The following PLEKHM3 variants were observed in gnomAD, a reference collection of about 807,000 sequenced individuals.
The protein encoded by PLEKHM3 is pleckstrin homology domain containing M3, also known as pleckstrin homology domain-containing family M member 3.
PLEKHM3 carries 45 observed loss-of-function variants against 81.8 expected under a neutral mutation model. That is an observed-to-expected ratio of 0.55 (90% confidence interval 0.43 to 0.71). The LOEUF is 0.71. Among genes scored for constraint, PLEKHM3 ranks in the 30% least tolerant of loss-of-function variants. The probability of loss-of-function intolerance (pLI) is 0.00; values close to 1 mark genes in which losing one functional copy is unlikely to be tolerated. For missense variants in PLEKHM3, 788 were observed against 924.3 expected (o/e 0.85, Z 1.91); for synonymous variants, 352 against 356.4 (o/e 0.99, Z 0.14).
chr2:208,003,768 T>C (rs2106097247), intron 1 of PLEKHM3, among the ~76,000 whole-genome samples: 1 of 152,336 alleles, frequency 6.6e-6, no homozygotes, highest in East Asian at 1.9e-4. Flanking sequence ...TTCTGTAATT[T>C]TGAAACTTGG....
intron 5 of PLEKHM3, among the ~76,000 whole-genome samples, chr2:207,929,229 C>T (rs13428941): frequency 0.016 from 2,449 of 152,280 alleles, 70 homozygotes; most frequent in African/African-American, 0.056. Flanking sequence ...CTAGAACTCC[C>T]ATTTCTTTCC....
chr2:207,899,991 A>C (rs183462591), intron 6 of PLEKHM3: 2 of 152,312 alleles, frequency 1.3e-5, no homozygotes, highest in African/African-American at 4.8e-5. Context: ...ACTGCAAAAC[A>C]AATTACCCCA....
chr2:207,825,876 ACAGGGACTGCTCGTATTTAG>A lies in PLEKHM3; in HGVS notation c.*2423_*2442del, dbSNP rs1335514053. 23 of 152,334 alleles carry A rather than the reference ACAGGGACTGCTCGTATTTAG, an allele frequency of 1.5e-4. No homozygotes were observed. Among genetic ancestry groups the A allele is most frequent in the African/African-American group, 5.3e-4 (22 of 41,586 alleles). The allele number at this position is 152,334 out of a possible 1,614,324, so 9.4% of individuals were successfully genotyped here. On this transcript the variant is annotated 3_prime_UTR_variant, in exon 8 of 8. Coordinates refer to ENST00000427836, the MANE Select transcript of PLEKHM3 (RefSeq NM_001080475.3). ...GGTGGAAAGTCCTCCTTAGGAGTTC[ACAGGGACTGCTCGTATTTAG>A]CAGGGCCCTCTAAATGGGGACTGGT...
chr2:207,911,123 G>A (rs973834467), intron 5 of PLEKHM3, among the ~76,000 whole-genome samples: 4 of 152,092 alleles, frequency 2.6e-5, no homozygotes, highest in African/African-American at 9.7e-5. Flanking sequence ...TCTGATGGGA[G>A]CACAGAGCAG....
chr2:207,872,795 C>A lies in PLEKHM3; in HGVS notation c.1951-11533G>T, dbSNP rs7582513. Among the ~76,000 whole-genome samples the A allele has an allele frequency of 7.2e-3, 1,100 of 152,326 alleles. 10 individuals are homozygous for A. Among genetic ancestry groups the A allele is most frequent in the African/African-American group, 0.025 (1,036 of 41,574 alleles). On this transcript the variant is annotated intron_variant, in intron 6 of 7. Transcript: ENST00000427836. ...TGAGCCAAGATCGCGCCAGTGTACT[C>A]CAGCTTGGGCAACAGAGTGAGACTC... is the stretch of plus-strand genomic sequence containing the variant.
At chr2:208,019,811 G>C (rs1458351164) in intron 1 of PLEKHM3, 1 of 152,210 alleles carries the variant, frequency 6.6e-6, no homozygotes, top group African/African-American at 2.4e-5. Context: ...ATGAAGGCAT[G>C]GACTGTGCCT....
chr2:207,912,643 A>G (rs1993996), intron 5 of PLEKHM3, among the ~76,000 whole-genome samples: 78,484 of 151,930 alleles, frequency 0.52, 21,648 homozygotes, highest in Middle Eastern at 0.67. Flanking sequence ...ACTGAAGTCA[A>G]ATATGGGAAT....
At chr2:207,999,218 C>T (rs942956998) in intron 2 of PLEKHM3, among the ~76,000 whole-genome samples, 13 of 151,942 alleles carry the variant, frequency 8.6e-5, no homozygotes, top group Non-Finnish European at 1.3e-4. Flanking sequence ...TCAAATGATC[C>T]GCCTGCCTCA....
At chr2:207,964,610 A>T (rs1486985268) in intron 3 of PLEKHM3, among the ~76,000 whole-genome samples, 1 of 152,166 alleles carries the variant, frequency 6.6e-6, no homozygotes, top group Non-Finnish European at 1.5e-5. Flanking sequence ...GGGGTGTAAA[A>T]GATTTTTCAC....
chr2:207,977,244 T>G lies in PLEKHM3; in HGVS notation c.953A>C (p.Gln318Pro). 1 of 1,614,192 alleles carries G rather than the reference T, an allele frequency of 6.2e-7. No homozygotes were observed. The highest frequency in any genetic ancestry group is 2.2e-5 in the East Asian group (1 of 44,878). The change falls in exon 3 of 8, where the codon CAG (glutamine) becomes CCG (proline). Residue 318 changes from glutamine to proline, a missense_variant. Physicochemically the swap from Gln to Pro is moderately conservative, Grantham distance 76 (BLOSUM62 -1). Transcript: ENST00000427836. The stretch of plus-strand genomic sequence containing the variant: ...CCCTGGTGAGATTGTCAGCTCATTC[T>G]GCCGCCCCATGTAACCGGGCACAGC... The part of the protein sequence containing the change: ...HAAVPGYMGR[Q>P]NELTISPGLG...
In PLEKHM3 at chr2:207,992,930, A is replaced by G. The variant is rs141502339; in HGVS notation, c.610+8100T>C. Among the ~76,000 whole-genome samples, 371 of 152,306 alleles carry G rather than the reference A, an allele frequency of 2.4e-3. 2 individuals are homozygous for G. The highest frequency in any genetic ancestry group is 8.4e-3 in the African/African-American group (348 of 41,562). The stretch of plus-strand genomic sequence containing the variant: ...AAAAATGGCAAAAAGGTTCAAAAGC[A>G]AGAAGGTATGGGTGATAAGGTTGGG... On this transcript the variant is annotated intron_variant, in intron 2 of 7. Coordinates refer to ENST00000427836, the MANE Select transcript of PLEKHM3 (RefSeq NM_001080475.3).
rs1458098801 is a variant in PLEKHM3 at position 208,001,188 on chromosome 2, C to A, written c.452G>T (p.Arg151Leu). ...STFKPGHARS[R>L]SDITQVDWRV... is the part of the protein sequence containing the mutation. ...CCAGTCCACTTGGGTAATATCTGAT[C>A]GTGATCGAGCATGCCCTGGCTTGAA... The change falls in exon 2 of 8, where the codon CGA becomes CTA. Residue 151 changes from arginine (R) to leucine (L), a missense_variant. Physicochemically the swap from Arg to Leu is moderately radical, Grantham distance 102. Transcript: ENST00000427836. 1.2e-6 allele frequency: 2 copies of A among 1,613,944 alleles called. No homozygotes were observed. Among genetic ancestry groups the A allele is most frequent in the African/African-American group, 1.3e-5 (1 of 74,890 alleles).
At chr2:207,872,141 A>G (rs1160774888) in intron 6 of PLEKHM3, among the ~76,000 whole-genome samples, 1 of 152,156 alleles carries the variant, frequency 6.6e-6, no homozygotes, top group Non-Finnish European at 1.5e-5. Flanking sequence ...TTGCTACTCC[A>G]AGGAAGGGGC....
At chr2:207,852,689 C>G in intron 7 of PLEKHM3, 1 of 394,402 alleles carries the variant, frequency 2.5e-6, no homozygotes, top group South Asian at 1.9e-5. Flanking sequence ...ACACTGGGTA[C>G]TCAAAAGAGG....
At chr2:207,852,737 G>A (rs1199394899) in intron 7 of PLEKHM3, 1 of 413,896 alleles carries the variant, frequency 2.4e-6, no homozygotes. Flanking sequence ...CTTCCTTTGG[G>A]TACCCTGTTC....
chr2:207,837,627 T>C (rs2092326472), intron 7 of PLEKHM3, among the ~76,000 whole-genome samples: 7 of 98,396 alleles, frequency 7.1e-5, no homozygotes, highest in East Asian at 2.6e-4. Context: ...TTACAATAGT[T>C]CTCCCTTTTT....
In PLEKHM3 at chr2:207,887,807, T is replaced by A. The variant is rs146900658; in HGVS notation, c.1950+20707A>T. On this transcript the variant is annotated intron_variant, in intron 6 of 7. Coordinates refer to ENST00000427836, the MANE Select transcript of PLEKHM3 (RefSeq NM_001080475.3). ...GAGAACAACAGCACTGCCAGGGCAG[T>A]CAAGTAGAAAGAGAGGGCATTAATT... Among the ~76,000 whole-genome samples the A allele has an allele frequency of 1.9e-4, 29 of 152,220 alleles. No individual in the cohort carries two copies. In the East Asian group the frequency reaches 5.2e-3, roughly 27 times the overall value.
intron 3 of PLEKHM3, among the ~76,000 whole-genome samples, chr2:207,962,780 T>C (rs1690782594): frequency 6.6e-6 from 1 of 152,156 alleles, no homozygotes; most frequent in Non-Finnish European, 1.5e-5. Flanking sequence ...GACAGTGCAG[T>C]GCCCAGAGCA....
At chr2:207,874,529 GT>G (rs1009667679) in intron 6 of PLEKHM3, among the ~76,000 whole-genome samples, 25 of 152,016 alleles carry the variant, frequency 1.6e-4, no homozygotes, top group Admixed American at 1.5e-3. Flanking sequence ...AGCCGAGATC[GT>G]GCCTTTGCAC....
Sources: gnomAD v4.1 joint callset for allele counts (sites outside exome capture counted in the v4.1 genomes callset) on GRCh38, gnomAD v4.1.1 for gene constraint, MANE v1.5 for transcripts, NCBI Gene and HGNC (gene_info 2026-07-23, HGNC 2026-07-21) for gene names.